RSRC1: variants seen among roughly 807,000 people sequenced by gnomAD.
The protein encoded by RSRC1 is arginine and serine rich coiled-coil 1.
RSRC1 carries 39 observed loss-of-function variants against 49.1 expected under a neutral mutation model. The observed-to-expected ratio is 0.79, with a 90% CI of 0.61 to 1.04. The LOEUF (loss-of-function observed/expected upper bound fraction) is 1.04. Ranked by LOEUF, RSRC1 falls within the 50% of genes least tolerant of loss-of-function variation. RSRC1 has a pLI of 0.00. For synonymous variants in RSRC1, 143 were observed against 130.8 expected, an observed-to-expected ratio of 1.09 and a Z score of -0.63; for missense variants, 388 against 402.4, an observed-to-expected ratio of 0.96 and a Z score of 0.31.
At position 158,354,905 on chromosome 3, in the gene RSRC1, G is replaced by A. The variant is rs775062006; in HGVS notation, c.580G>A (p.Ala194Thr). The A allele has an allele frequency of 7.8e-6, 12 of 1,546,886 alleles. No individual in the cohort carries two copies. The East Asian group carries it at 2.6e-4, about 34-fold the overall frequency. ...CAGACTACAGCTGGTTCTTGAAGCT[G>A]CTGGTAAGTGTTGATAATTAACTTT... Reference protein sequence around the residue: ...KARLQLVLEAAAKADEALKAK... With the variant: ...KARLQLVLEATAKADEALKAK... The change falls in exon 6 of 10, where the codon GCT (alanine) becomes ACT (threonine). Residue 194 changes from alanine (A) to threonine (T), a missense_variant. By Grantham distance (58) the Ala-to-Thr change is moderately conservative. Coordinates refer to ENST00000611884, the MANE Select transcript of RSRC1 (RefSeq NM_001271838.2).
At chr3:158,353,616 T>G (rs760344173) in intron 5 of RSRC1, among the ~76,000 whole-genome samples, 2 of 152,228 alleles carry the variant, frequency 1.3e-5, no homozygotes, top group Non-Finnish European at 2.9e-5. Context: ...TTGTTTCCTA[T>G]AGGTTTTCCA....
At chr3:158,231,926 A>C in intron 4 of RSRC1, among the ~76,000 whole-genome samples, 1 of 152,192 alleles carries the variant, frequency 6.6e-6, no homozygotes, top group East Asian at 1.9e-4. Context: ...GAAAGAACAA[A>C]GAAAAGTGAA....
At chr3:158,521,857 CTTTA>C (rs1711693815) in intron 7 of RSRC1, among the ~76,000 whole-genome samples, 2 of 151,950 alleles carry the variant, frequency 1.3e-5, no homozygotes, top group African/African-American at 2.4e-5. Context: ...TTGTTAATTC[CTTTA>C]TTTATTTGTT....
rs376283427 is a variant in RSRC1, at chr3:158,183,615, G to A, written c.321-19457G>A. Among the ~76,000 whole-genome samples, 6 of 152,210 alleles carry A rather than the reference G, an allele frequency of 3.9e-5. No homozygotes were observed. The East Asian group carries it at 7.7e-4, about 20-fold the overall frequency. ...AACAATAATTTGTAAGTTTGAATAT[G>A]AGCCTAAAGATTCCTTTTCAGCTGG... On this transcript the variant is annotated intron_variant, in intron 3 of 9. Coordinates refer to ENST00000611884, the MANE Select transcript of RSRC1 (RefSeq NM_001271838.2).
chr3:158,451,804 A>G (rs1203683055), intron 6 of RSRC1, among the ~76,000 whole-genome samples: 4 of 152,086 alleles, frequency 2.6e-5, no homozygotes, highest in Non-Finnish European at 5.9e-5. Flanking sequence ...ACTAATCACT[A>G]TACCACTTTA....
intron 4 of RSRC1, among the ~76,000 whole-genome samples, chr3:158,294,536 T>TC (rs1186569389): frequency 6.6e-6 from 1 of 152,058 alleles, no homozygotes; most frequent in Non-Finnish European, 1.5e-5. Context: ...TCTTTTTTTT[T>TC]CCTAACAGCA....
At chr3:158,356,827 A>C (rs1193171690) in intron 6 of RSRC1, among the ~76,000 whole-genome samples, 2 of 152,108 alleles carry the variant, frequency 1.3e-5, no homozygotes, top group Non-Finnish European at 2.9e-5. Flanking sequence ...ATTTTATTTC[A>C]TAGTTTTATT....
chr3:158,523,303 T>G (rs1372460196), intron 7 of RSRC1, among the ~76,000 whole-genome samples: 5 of 151,996 alleles, frequency 3.3e-5, no homozygotes, highest in Non-Finnish European at 7.4e-5. Context: ...CAGAATCAGT[T>G]TTACATGAAA....
chr3:158,299,340 A>G (rs192126152), intron 5 of RSRC1, among the ~76,000 whole-genome samples: 140 of 151,604 alleles, frequency 9.2e-4, no homozygotes, highest in Admixed American at 4.7e-3. Flanking sequence ...TTATTTATTT[A>G]TTTGTTTTTT....
intron 6 of RSRC1, among the ~76,000 whole-genome samples, chr3:158,428,645 T>C (rs185219966): frequency 1.5e-4 from 23 of 152,054 alleles, no homozygotes; most frequent in Non-Finnish European, 3.2e-4. Flanking sequence ...TTTAGTGGAC[T>C]GCGAATTGGC....
intron 4 of RSRC1, among the ~76,000 whole-genome samples, chr3:158,239,660 A>C (rs1222316408): frequency 6.6e-6 from 1 of 152,078 alleles, no homozygotes; most frequent in Non-Finnish European, 1.5e-5. Context: ...CCAACATGGC[A>C]CATGTATGCC....
At chr3:158,343,944 A>T (rs1450066708) in intron 5 of RSRC1, among the ~76,000 whole-genome samples, 2 of 152,124 alleles carry the variant, frequency 1.3e-5, no homozygotes, top group African/African-American at 4.8e-5. Context: ...CTATAAACCA[A>T]CAGACCCAAG....
At chr3:158,391,877 A>G (rs73017470) in intron 6 of RSRC1, among the ~76,000 whole-genome samples, 7,729 of 152,182 alleles carry the variant, frequency 0.051, 686 homozygotes, top group African/African-American at 0.18. Flanking sequence ...AGGCAAAGGC[A>G]TTGAATTATA....
chr3:158,483,437 T>C (rs1230659675), intron 7 of RSRC1, among the ~76,000 whole-genome samples: 1 of 152,060 alleles, frequency 6.6e-6, no homozygotes, highest in Non-Finnish European at 1.5e-5. Context: ...TATATGGGAA[T>C]AATGGACTAA....
chr3:158,514,897 T>G (rs980627281), intron 7 of RSRC1, among the ~76,000 whole-genome samples: 8 of 152,144 alleles, frequency 5.3e-5, no homozygotes, highest in Admixed American at 2.0e-4. Context: ...CTTTTGATCT[T>G]TGTTGGTTTA....
At chr3:158,173,016 C>T (rs1718966676) in intron 3 of RSRC1, among the ~76,000 whole-genome samples, 5 of 151,754 alleles carry the variant, frequency 3.3e-5, no homozygotes, top group Admixed American at 3.3e-4. Context: ...TTTTTACAGT[C>T]GATATGTATC....
At chr3:158,284,564 G>A (rs1242499744) in intron 4 of RSRC1, among the ~76,000 whole-genome samples, 2 of 145,380 alleles carry the variant, frequency 1.4e-5, no homozygotes, top group South Asian at 2.2e-4. Context: ...GTTGTTTCCT[G>A]ACTTTTTAAT....
At chr3:158,385,846 T>C (rs1235408334) in intron 6 of RSRC1, among the ~76,000 whole-genome samples, 1 of 152,174 alleles carries the variant, frequency 6.6e-6, no homozygotes, top group East Asian at 1.9e-4. Context: ...ATTAAGAAAT[T>C]AAATGAAGCA....
intron 7 of RSRC1, among the ~76,000 whole-genome samples, chr3:158,461,874 T>C (rs766461608): frequency 1.3e-5 from 2 of 151,756 alleles, no homozygotes; most frequent in Non-Finnish European, 2.9e-5. Context: ...CTGTGTTTTA[T>C]TGTAACAACC....
Sources: allele counts gnomAD v4.1 joint callset (sites outside exome capture counted in the v4.1 genomes callset), GRCh38; gene constraint gnomAD v4.1.1; transcripts MANE v1.5; gene names NCBI Gene and HGNC (gene_info 2026-07-23, HGNC 2026-07-21).